Variants in MAP2K3 observed in about 807,000 individuals in gnomAD.
MAP2K3 encodes dual specificity mitogen-activated protein kinase kinase 3.
In MAP2K3, 30 loss-of-function variants were observed where a neutral mutation model predicts 46.4. The observed-to-expected ratio is 0.65, with a 90% CI of 0.48 to 0.88. The LOEUF (loss-of-function observed/expected upper bound fraction) is 0.88, where lower values mean the gene tolerates loss of function less well. Ranked by LOEUF, MAP2K3 falls within the 40% of genes least tolerant of loss-of-function variation. The probability of loss-of-function intolerance (pLI) is 0.00; values close to 1 mark genes in which losing one functional copy is unlikely to be tolerated. For synonymous variants in MAP2K3, 189 were observed against 176.3 expected, an observed-to-expected ratio of 1.07 and a Z score of -0.57; for missense variants, 380 against 464.5, an observed-to-expected ratio of 0.82 and a Z score of 1.67.
At chr17:21,303,475 C>T (rs1976719430) in intron 7 of MAP2K3, among the ~76,000 whole-genome samples, 5 of 152,306 alleles carry the variant, frequency 3.3e-5, no homozygotes. Context: ...GGGTTCTGTT[C>T]TGATGTATAG....
chr17:21,304,225 A>G (rs1976763012), intron 7 of MAP2K3, among the ~76,000 whole-genome samples: 1 of 152,304 alleles, frequency 6.6e-6, no homozygotes, highest in South Asian at 2.1e-4. Flanking sequence ...ACCAAGTATG[A>G]CTCTCAGCTG....
chr17:21,304,670 G>A lies in MAP2K3; in HGVS notation c.696+117G>A, dbSNP rs76436552. On this transcript the variant is annotated intron_variant, in intron 8 of 11. Coordinates refer to ENST00000342679, the MANE Select transcript of MAP2K3 (RefSeq NM_145109.3). ...TAGGGGCAGAGCCTCCCCACACTGC[G>A]TTTCCTGCTGTAGTGGGGCCACCTG... 1.6e-3 allele frequency: 2,378 copies of A among 1,506,042 alleles called. No individual in the cohort carries two copies. The African/African-American group carries it at 0.028, about 18-fold the overall frequency. 93.3% of individuals were successfully genotyped at this position (1,506,042 alleles called of 1,614,324 possible).
chr17:21,291,435 A>G (rs1184084275), intron 1 of MAP2K3: 1 of 456,298 alleles, frequency 2.2e-6, no homozygotes, highest in African/African-American at 2.0e-5. Context: ...TCCGTTCTGC[A>G]GGAGCAGCAG....
At chr17:21,293,095 G>T (rs563554724) in intron 1 of MAP2K3, among the ~76,000 whole-genome samples, 3 of 152,302 alleles carry the variant, frequency 2.0e-5, no homozygotes, top group African/African-American at 7.2e-5. Context: ...CTAAATGTTA[G>T]TGGGTGTTGT....
At chr17:21,310,136 A>G (rs1036164056) in intron 9 of MAP2K3, among the ~76,000 whole-genome samples, 4 of 151,540 alleles carry the variant, frequency 2.6e-5, no homozygotes, top group Admixed American at 2.6e-4. Context: ...CAATCTCCCA[A>G]GTAGCTGGGA....
intron 1 of MAP2K3, among the ~76,000 whole-genome samples, chr17:21,292,580 G>T (rs1338019998): frequency 6.6e-6 from 1 of 152,312 alleles, no homozygotes; most frequent in Non-Finnish European, 1.5e-5. Context: ...GCCCAGGCTA[G>T]TATTGAACTC....
intron 10 of MAP2K3, 100 bp downstream of exon 10, chr17:21,312,381 C>A (rs1335710383): frequency 4.0e-6 from 5 of 1,263,586 alleles, no homozygotes; most frequent in Non-Finnish European, 4.2e-6. Flanking sequence ...GCAAATAAAC[C>A]CCCAGATGAC....
intron 9 of MAP2K3, among the ~76,000 whole-genome samples, chr17:21,307,634 G>C (rs1976959407): frequency 6.6e-6 from 1 of 151,368 alleles, no homozygotes; most frequent in African/African-American, 2.4e-5. Context: ...TGGTGTTGCT[G>C]CTACCATTGT....
At position 21,300,623 on chromosome 17, in the gene MAP2K3, C is replaced by T. The variant is rs766095224; in HGVS notation, c.244C>T (p.Arg82Trp). The part of the protein sequence containing the change: ...RGAYGVVEKV[R>W]HAQSGTIMAV... ...AGCCTATGGGGTGGTAGAGAAGGTG[C>T]GGCACGCCCAGAGCGGCACCATCAT... is the stretch of plus-strand genomic sequence containing the variant. The change falls in exon 4 of 12, where the codon CGG becomes TGG. Residue 82 changes from arginine (R) to tryptophan (W), a missense_variant. Coordinates refer to ENST00000342679, the MANE Select transcript of MAP2K3 (RefSeq NM_145109.3). 2.0e-5 allele frequency: 32 copies of T among 1,611,490 alleles called. No individual in the cohort carries two copies. Among genetic ancestry groups the T allele is most frequent in the Admixed American group, 6.7e-5 (4 of 59,614 alleles).
chr17:21,293,659 C>T (rs528258261), intron 1 of MAP2K3, among the ~76,000 whole-genome samples: 127 of 152,348 alleles, frequency 8.3e-4, no homozygotes, highest in Non-Finnish European at 1.5e-3. Context: ...AGGCCCTGGC[C>T]AGGTGGCCTT....
intron 9 of MAP2K3, among the ~76,000 whole-genome samples, chr17:21,307,241 G>A (rs1315911612): frequency 3.3e-5 from 5 of 152,312 alleles, no homozygotes; most frequent in Admixed American, 2.6e-4. Flanking sequence ...CACCTCATTA[G>A]CATAAACTCA....
At position 21,313,495 on chromosome 17, in the gene MAP2K3, G is replaced by C. The variant is rs2144671104; in HGVS notation, c.918G>C (p.Leu306=). The change falls in exon 11 of 12, where the codon CTG becomes CTC. Residue 306 remains leucine, a synonymous_variant. Coordinates refer to ENST00000342679, the MANE Select transcript of MAP2K3 (RefSeq NM_145109.3). ...CAGCTGCACTATTCTCTCCTAGCCT[G>C]AGGAAGAACCCCGCAGAGCGTATGA... ...PEFVDFTAQC[L]RKNPAERMSY... The C allele has an allele frequency of 6.2e-7, 1 of 1,612,408 alleles. No individual in the cohort carries two copies. Among genetic ancestry groups the C allele is most frequent in the African/African-American group, 1.3e-5 (1 of 74,994 alleles).
At chr17:21,291,225 TAG>T in intron 1 of MAP2K3, among the ~76,000 whole-genome samples, 1 of 97,190 alleles carries the variant, frequency 1.0e-5, no homozygotes, top group East Asian at 2.9e-4. Flanking sequence ...GCCTGGGCAA[TAG>T]AGAGAGAATC....
At chr17:21,296,142 G>C (rs373941871) in intron 1 of MAP2K3, 3 of 1,289,474 alleles carry the variant, frequency 2.3e-6, no homozygotes, top group Non-Finnish European at 3.0e-6. Flanking sequence ...CCCCATCTGC[G>C]CAGTGAACCC....
At chr17:21,300,706 G>C (rs1405616236) in intron 4 of MAP2K3, 48 bp downstream of exon 4, 2 of 1,593,928 alleles carry the variant, frequency 1.3e-6, no homozygotes, top group Non-Finnish European at 1.7e-6. Context: ...GAGGAGGCGG[G>C]CTGAGCTCTG....
chr17:21,298,526 C>G lies in MAP2K3; in HGVS notation c.116+47C>G, dbSNP rs779680247. The G allele has an allele frequency of 1.1e-5, 18 of 1,613,950 alleles. No individual in the cohort carries two copies. In the Middle Eastern group the frequency reaches 1.5e-3, roughly 133 times the overall value. On this transcript the variant is annotated intron_variant, in intron 2 of 11. Coordinates refer to ENST00000342679, the MANE Select transcript of MAP2K3 (RefSeq NM_145109.3). ...CCTGGCTCACCCTGGAGAGGCTTCC[C>G]GAACAGGGCTCAATGGAAGGAGTGA...
At chr17:21,312,727 C>G (rs1374700925) in intron 10 of MAP2K3, among the ~76,000 whole-genome samples, 1 of 151,962 alleles carries the variant, frequency 6.6e-6, no homozygotes, top group African/African-American at 2.4e-5. Flanking sequence ...CCAGCCTGAC[C>G]AACATGGTGA....
intron 1 of MAP2K3, 152 bp from the exon 2 acceptor site, chr17:21,298,261 G>C (rs1976374907): frequency 2.6e-5 from 29 of 1,110,400 alleles, no homozygotes; most frequent in Non-Finnish European, 3.7e-5. Context: ...CCCTTTGAAG[G>C]CCTAACGGCC....
At chr17:21,296,900 AGCTGCTGCT>A (rs3035372) in intron 1 of MAP2K3, among the ~76,000 whole-genome samples, 11 of 150,392 alleles carry the variant, frequency 7.3e-5, no homozygotes, top group South Asian at 2.1e-4. Context: ...ATGTGGCGGC[AGCTGCTGCT>A]GCTGCTGCTG....
Sources: gnomAD v4.1 joint callset for allele counts (sites outside exome capture counted in the v4.1 genomes callset) on GRCh38, gnomAD v4.1.1 for gene constraint, MANE v1.5 for transcripts, NCBI Gene and HGNC (gene_info 2026-07-23, HGNC 2026-07-21) for gene names.